The following SLC26A11 variants were observed in gnomAD, a reference collection of about 807,000 sequenced individuals.
The protein encoded by SLC26A11 is solute carrier family 26 member 11, also known as sodium-independent sulfate anion transporter.
SLC26A11 carries 58 observed loss-of-function variants against 62.2 expected under a neutral mutation model. The observed-to-expected ratio is 0.93, with a 90% confidence interval of 0.76 to 1.16. The LOEUF (loss-of-function observed/expected upper bound fraction) is 1.16. Among genes scored for constraint, SLC26A11 ranks in the 50% most tolerant of loss-of-function variants. SLC26A11 has a pLI of 0.00. For missense variants in SLC26A11, 790 were observed against 794.3 expected (o/e 0.99, Z 0.06); for synonymous variants, 411 against 368.9 (o/e 1.11, Z -1.31).
At position 80,248,260 on chromosome 17, in the gene SLC26A11, AC is replaced by A. The variant is rs762225343; in HGVS notation, c.1422+7del. 3.7e-5 allele frequency: 60 copies of A among 1,606,130 alleles called. No homozygotes were observed. In the East Asian group the frequency reaches 1.3e-3, roughly 34 times the overall value. ...CTGCAGCCAGGCCTGAGACCAAGGTACCCCTCCGTGGCCTCTGAGTGGGGAG... is the reference window on the plus strand; with the variant it reads ...CTGCAGCCAGGCCTGAGACCAAGGTACCCTCCGTGGCCTCTGAGTGGGGAG... On this transcript the variant is annotated splice_donor_region_variant and intron_variant, in intron 14 of 17. Coordinates refer to ENST00000361193, the MANE Select transcript of SLC26A11 (RefSeq NM_001166347.2).
intron 1 of SLC26A11, 80 bp downstream of exon 1, chr17:80,220,576 G>A (rs2042122525): frequency 2.1e-5 from 8 of 389,662 alleles, no homozygotes; most frequent in South Asian, 7.1e-5. Flanking sequence ...GCCGGGGGCA[G>A]CCGACGCGGG....
Position 80,223,192 on chromosome 17 carries a change from C to G in SLC26A11, c.428-60C>G. 1 of 1,507,964 alleles carries G rather than the reference C, an allele frequency of 6.6e-7. No homozygotes were observed. Among genetic ancestry groups the G allele is most frequent in the Non-Finnish European group, 9.2e-7 (1 of 1,086,488 alleles). 93.4% of individuals were successfully genotyped at this position (1,507,964 alleles called of 1,614,324 possible). A position where few individuals can be genotyped will look rare whatever the true frequency, so the allele number is the denominator to read the frequency against. On this transcript the variant is annotated intron_variant, in intron 4 of 17. Coordinates refer to ENST00000361193, the MANE Select transcript of SLC26A11 (RefSeq NM_001166347.2). This position sits in a 1 kb window ranked among gnomAD's most constrained non-coding sequence, Gnocchi z 4.6. Reference sequence around the variant, plus strand: ...CCACCTTCCCCAGCTCACATCTCCCCTCATCCTCTGGGACTGGGTGGAGCC... The same window carrying G: ...CCACCTTCCCCAGCTCACATCTCCCGTCATCCTCTGGGACTGGGTGGAGCC...
At chr17:80,241,744 C>CA in intron 9 of SLC26A11, 27 bp from the exon 10 acceptor site, 2 of 1,611,974 alleles carry the variant, frequency 1.2e-6, no homozygotes, top group Non-Finnish European at 1.7e-6. Flanking sequence ...TATTACTGAC[C>CA]AGGTCTTTAC....
At chr17:80,224,305 G>A (rs2042321772) in intron 5 of SLC26A11, among the ~76,000 whole-genome samples, 2 of 142,352 alleles carry the variant, frequency 1.4e-5, no homozygotes, top group Admixed American at 1.4e-4. Flanking sequence ...GTGCGTGTGT[G>A]TGTGAGAGAG....
chr17:80,243,549 C>T (rs992650026), intron 10 of SLC26A11, among the ~76,000 whole-genome samples: 1 of 152,192 alleles, frequency 6.6e-6, no homozygotes, highest in Non-Finnish European at 1.5e-5. Flanking sequence ...AGGCACCTGC[C>T]CCTGAGCCTG....
rs58412367 is a variant in SLC26A11 at position 80,246,505 on chromosome 17, G to A, written c.1154-4G>A. 153,000 of 1,609,882 alleles carry A rather than the reference G, an allele frequency of 0.095. 7,835 individuals carry two copies. The highest frequency in any genetic ancestry group is 0.16 in the African/African-American group (11,937 of 75,002). On this transcript the variant is annotated splice_region_variant and splice_polypyrimidine_tract_variant and intron_variant, in intron 12 of 17. Transcript: ENST00000361193. The surrounding 1 kb of genome is among the most constrained non-coding windows in gnomAD (Gnocchi z 4.4). ...GAGGTCACCTGTGTTCCCGTGCCCC[G>A]CAGGAGTGCTGGTGCTGCTGTCTCT...
At chr17:80,237,301 T>C in intron 8 of SLC26A11, 198 bp downstream of exon 8, 1 of 782,686 alleles carries the variant, frequency 1.3e-6, no homozygotes, top group East Asian at 2.7e-5. Context: ...GTCACGTTTG[T>C]GTTCAGGGGC....
chr17:80,245,851 A>C (rs1348130173), intron 11 of SLC26A11, among the ~76,000 whole-genome samples: 2 of 152,170 alleles, frequency 1.3e-5, no homozygotes, highest in African/African-American at 2.4e-5. Flanking sequence ...CCAGTCCCCC[A>C]GCTGGTGACC....
At chr17:80,236,004 G>A (rs2144922268) in intron 7 of SLC26A11, among the ~76,000 whole-genome samples, 1 of 152,274 alleles carries the variant, frequency 6.6e-6, no homozygotes, top group East Asian at 1.9e-4. Flanking sequence ...GAGACTTTAT[G>A]GCCCACAAAG....
chr17:80,249,101 G>A (rs956475303), intron 15 of SLC26A11, 53 bp from the exon 16 acceptor site: 2 of 1,577,510 alleles, frequency 1.3e-6, no homozygotes, highest in Admixed American at 3.5e-5. Context: ...CCTCTGCAGA[G>A]CAGCTTTGGG....
Position 80,228,317 on chromosome 17 carries a change from G to GT in SLC26A11, c.736+357_736+358insT, listed in dbSNP as rs2042470107. On this transcript the variant is annotated intron_variant, in intron 7 of 17. Coordinates refer to ENST00000361193, the MANE Select transcript of SLC26A11 (RefSeq NM_001166347.2). The surrounding 1 kb of genome is among the most constrained non-coding windows in gnomAD (Gnocchi z 4.1). ...TCGACTGATTTTTGTATTTATAGTA[G>GT]AGACGGGGTTTCACCATGTTGACCA... Among the ~76,000 whole-genome samples, 2 of 152,140 alleles carry GT rather than the reference G, an allele frequency of 1.3e-5. No individual in the cohort carries two copies. The highest frequency in any genetic ancestry group is 2.9e-5 in the Non-Finnish European group (2 of 68,030).
At position 80,252,036 on chromosome 17, in the gene SLC26A11, G is replaced by A. The variant is rs74000677; in HGVS notation, c.1730-589G>A. ...CCGGGTCAGGAGATCCAGAAGCCCCGGGACAGAAGGTACGGGAGGGACAGG... is the reference window on the plus strand; with the variant it reads ...CCGGGTCAGGAGATCCAGAAGCCCCAGGACAGAAGGTACGGGAGGGACAGG... On this transcript the variant is annotated intron_variant, in intron 17 of 17. Coordinates refer to ENST00000361193, the MANE Select transcript of SLC26A11 (RefSeq NM_001166347.2). The surrounding 1 kb of genome is among the most constrained non-coding windows in gnomAD (Gnocchi z 5.2). Among the ~76,000 whole-genome samples the A allele has an allele frequency of 0.065, 9,916 of 152,168 alleles. 790 individuals carry two copies. The highest frequency in any genetic ancestry group is 0.19 in the African/African-American group (7,966 of 41,470).
rs775174696 is a variant in SLC26A11 at position 80,248,256 on chromosome 17, A to G, written c.1421A>G (p.Lys474Arg). 3.1e-6 allele frequency: 5 copies of G among 1,607,724 alleles called. No homozygotes were observed. Among genetic ancestry groups the G allele is most frequent in the Admixed American group, 3.4e-5 (2 of 59,680 alleles). The stretch of plus-strand genomic sequence containing the variant: ...CACTCTGCAGCCAGGCCTGAGACCA[A>G]GGTACCCCTCCGTGGCCTCTGAGTG... ...LLHSAARPET[K>R]VSEGPVLVLQ... The change falls in exon 14 of 18, where the codon AAG (lysine) becomes AGG (arginine). Residue 474 changes from lysine to arginine, a missense_variant and splice_region_variant. Physicochemically the swap from Lys to Arg is conservative, Grantham distance 26 (BLOSUM62 2). Coordinates refer to ENST00000361193, the MANE Select transcript of SLC26A11 (RefSeq NM_001166347.2).
chr17:80,247,778 A>G (rs2043047457), intron 13 of SLC26A11, among the ~76,000 whole-genome samples: 1 of 152,158 alleles, frequency 6.6e-6, no homozygotes, highest in South Asian at 2.1e-4. Flanking sequence ...CTTTGTCCCC[A>G]GGGCACCTTC....
At chr17:80,225,362 C>T (rs2042380129) in intron 5 of SLC26A11, among the ~76,000 whole-genome samples, 1 of 152,206 alleles carries the variant, frequency 6.6e-6, no homozygotes, top group Admixed American at 6.5e-5. Context: ...GAGATTTTTC[C>T]TCCCGCAGCA....
At chr17:80,251,671 G>A (rs1008359829) in intron 17 of SLC26A11, among the ~76,000 whole-genome samples, 2 of 151,776 alleles carry the variant, frequency 1.3e-5, no homozygotes, top group Non-Finnish European at 2.9e-5. Context: ...GCTGAAGCAG[G>A]AGAATCGCTT....
intron 7 of SLC26A11, 37 bp from the exon 8 acceptor site, chr17:80,236,891 G>T: frequency 6.3e-7 from 1 of 1,583,730 alleles, no homozygotes; most frequent in South Asian, 1.1e-5. Context: ...CACTCGCCGG[G>T]AGCAGGGTCT....
chr17:80,248,898 G>C (rs950339603), intron 15 of SLC26A11, among the ~76,000 whole-genome samples: 1 of 152,208 alleles, frequency 6.6e-6, no homozygotes. Flanking sequence ...CCTAAAGTCC[G>C]GTTCCTGTTT....
At position 80,241,822 on chromosome 17, in the gene SLC26A11, G is replaced by A. The variant is rs765451304; in HGVS notation, c.1036+1G>A. 3 of 1,614,066 alleles carry A rather than the reference G, an allele frequency of 1.9e-6. No individual in the cohort carries two copies. The Admixed American group carries it at 5.0e-5, about 27-fold the overall frequency. On this transcript the variant is annotated splice_donor_variant, in intron 10 of 17. Transcript: ENST00000361193. LOFTEE classifies it high-confidence loss of function. ...GCCAACCAGGAGCTGCTGGCCATCGGTAAGACCCCAGCCGCGGGAAGGAAG... is the reference window on the plus strand; with the variant it reads ...GCCAACCAGGAGCTGCTGGCCATCGATAAGACCCCAGCCGCGGGAAGGAAG...
Sources: allele counts gnomAD v4.1 joint callset (sites outside exome capture counted in the v4.1 genomes callset), GRCh38; gene constraint gnomAD v4.1.1; non-coding constraint Gnocchi (gnomAD v3.1); transcripts MANE v1.5; gene names NCBI Gene and HGNC (gene_info 2026-07-23, HGNC 2026-07-21).